The following ELMO3 variants were observed in gnomAD, a reference collection of about 807,000 sequenced individuals.
ELMO3 encodes the protein engulfment and cell motility 3.
Under a neutral mutation model 89.0 loss-of-function variants are expected in ELMO3, and 81 were observed. That is an observed-to-expected ratio of 0.91 (90% CI 0.76 to 1.09). ELMO3 has a LOEUF of 1.09. Ranked by LOEUF, ELMO3 falls within the 50% of genes least tolerant of loss-of-function variation. ELMO3 has a pLI of 0.00. For missense variants in ELMO3, 959 were observed against 972.8 expected, an observed-to-expected ratio of 0.99 and a Z score of 0.19; for synonymous variants, 406 against 400.6, an observed-to-expected ratio of 1.01 and a Z score of -0.16.
rs780572116 is a variant in ELMO3 at position 67,200,246 on chromosome 16, C to T, written c.298C>T (p.Arg100Cys). The T allele has an allele frequency of 1.2e-6, 2 of 1,613,726 alleles. No homozygotes were observed. Among genetic ancestry groups the T allele is most frequent in the East Asian group, 4.5e-5 (2 of 44,888 alleles). Residue 100 changes from arginine to cysteine, a missense_variant, in exon 5 of 20, where the codon CGC becomes TGC. Physicochemically the swap from Arg to Cys is radical, Grantham distance 180. Coordinates refer to ENST00000393997, the MANE Select transcript of ELMO3 (RefSeq NM_024712.5). ...GGLQSNSPEGRREALRRLVPL... is the reference protein window; with the variant it reads ...GGLQSNSPEGCREALRRLVPL... ...GCTGCAGAGTAACAGTCCTGAAGGG[C>T]GCCGGGAAGCCCTGAGGCGCCTTGT...
Position 67,203,141 on chromosome 16 carries a change from G to C in ELMO3, c.1698G>C (p.Leu566=). Residue 566 remains leucine, a synonymous_variant, in exon 17 of 20, where the codon CTG becomes CTC. Transcript: ENST00000393997. The surrounding 1 kb of genome is among the most constrained non-coding windows in gnomAD (Gnocchi z 4.6). ...CAGATAAGCTGTGGTTCTGCTGCCT[G>C]TCCCCCAACCACAAGCTGCTGCAGT... ...RRQDKLWFCC[L]SPNHKLLQYG... is the part of the protein sequence containing the mutation. 1 of 1,611,990 alleles carries C rather than the reference G, an allele frequency of 6.2e-7. No homozygotes were observed. The highest frequency in any genetic ancestry group is 1.1e-5 in the South Asian group (1 of 90,874).
intron 3 of ELMO3, 83 bp from the exon 4 acceptor site, chr16:67,199,868 C>T: frequency 6.2e-7 from 1 of 1,607,694 alleles, no homozygotes. Flanking sequence ...GTTATTCACC[C>T]CCAGCCGCCC....
Position 67,202,693 on chromosome 16 carries a change from T to C in ELMO3, c.1465T>C (p.Phe489Leu). The change falls in exon 15 of 20, where the codon TTC becomes CTC. Residue 489 changes from phenylalanine (F) to leucine (L), a missense_variant. Physicochemically the swap from Phe to Leu is conservative, Grantham distance 22. Transcript: ENST00000393997. ...CCTGAAGCCCACTTCCCTGGAGCTC[T>C]TCCGAACCAAGGTGAATGCGCTCAC... ...LALKPTSLEL[F>L]RTKVNALTYG... 6.2e-7 allele frequency: 1 copy of C among 1,613,542 alleles called. No homozygotes were observed. The highest frequency in any genetic ancestry group is 8.5e-7 in the Non-Finnish European group (1 of 1,179,944).
rs762794419 is a variant in ELMO3 at position 67,201,503 on chromosome 16, G to A, written c.796-17G>A. ...CCCGTGAGCCCTCGCTTACACCAGG[G>A]ACTGGCTGTCCTGCAGAACATCATC... On this transcript the variant is annotated splice_polypyrimidine_tract_variant and intron_variant, in intron 9 of 19. Transcript: ENST00000393997. The A allele has an allele frequency of 6.2e-7, 1 of 1,614,008 alleles. No homozygotes were observed. Among genetic ancestry groups the A allele is most frequent in the South Asian group, 1.1e-5 (1 of 91,086 alleles).
rs546262828 is a variant in ELMO3, at chr16:67,202,155, C to T, written c.1153-21C>T. On this transcript the variant is annotated intron_variant, in intron 12 of 19. Transcript: ENST00000393997. ...CCATGGGCTTAGCTGTGACTCCTTG[C>T]CCCATTCTCTGCGCCCCCAGTTTGT... is the stretch of plus-strand genomic sequence containing the variant. 33 of 1,599,844 alleles carry T rather than the reference C, an allele frequency of 2.1e-5. No homozygotes were observed. The Admixed American group carries it at 5.4e-4, about 26-fold the overall frequency.
intron 1 of ELMO3, 72 bp downstream of exon 1, chr16:67,199,476 G>GGGCCCCCCCCCCCCCCCCCCC: frequency 1.2e-5 from 18 of 1,503,510 alleles, no homozygotes; most frequent in Non-Finnish European, 1.5e-5. Context: ...CCTCGGGGCA[G>GGGCCCCCCCCCCCCCCCCCCC]CCCGCCCCAC....
intron 14 of ELMO3, 45 bp from the exon 15 acceptor site, chr16:67,202,582 C>T (rs751599412): frequency 4.3e-6 from 7 of 1,612,514 alleles, no homozygotes; most frequent in African/African-American, 1.3e-5. Context: ...GGGGGCTGAT[C>T]TGGGTACAGA....
rs768301083 is a variant in ELMO3 at position 67,201,964 on chromosome 16, C to T, written c.1051-13C>T. ...GTGGCCCTTCTTGAACTGCCTGTGC[C>T]CACTTCCCCCAGAACAGCAACCCAG... On this transcript the variant is annotated splice_polypyrimidine_tract_variant and intron_variant, in intron 11 of 19. Coordinates refer to ENST00000393997, the MANE Select transcript of ELMO3 (RefSeq NM_024712.5). The T allele has an allele frequency of 9.3e-6, 15 of 1,612,066 alleles. No individual in the cohort carries two copies. The South Asian group carries it at 1.5e-4, about 17-fold the overall frequency.
At position 67,199,405 on chromosome 16, in the gene ELMO3, G is replaced by T; in HGVS notation, c.78+1G>T. The T allele has an allele frequency of 6.2e-7, 1 of 1,605,598 alleles. No homozygotes were observed. The stretch of plus-strand genomic sequence containing the variant: ...CCCGCAGCTCATCCAGCTGGACCAG[G>T]TCACCCGGCTGGTCCCGCCTCCATC... On this transcript the variant is annotated splice_donor_variant, in intron 1 of 19. Transcript: ENST00000393997. LOFTEE classifies it high-confidence loss of function.
At chr16:67,200,087 G>T in intron 4 of ELMO3, 86 bp downstream of exon 4, 1 of 1,260,990 alleles carries the variant, frequency 7.9e-7, no homozygotes, top group Non-Finnish European at 1.1e-6. Flanking sequence ...CCCCGCCCCA[G>T]CCCTGCCTTG....
Position 67,202,224 on chromosome 16 carries a change from G to C in ELMO3, c.1201G>C (p.Ala401Pro), listed in dbSNP as rs762491613. The C allele has an allele frequency of 1.2e-6, 2 of 1,605,548 alleles. No individual in the cohort carries two copies. The highest frequency in any genetic ancestry group is 8.5e-7 in the Non-Finnish European group (1 of 1,174,368). ...CGAGGACAAGCACGAGTGCCCCTTTGCCCGGGGCAGCATCCAGCTGACGGT... is the reference window on the plus strand; with the variant it reads ...CGAGGACAAGCACGAGTGCCCCTTTCCCCGGGGCAGCATCCAGCTGACGGT... The part of the protein sequence containing the change: ...SREDKHECPF[A>P]RGSIQLTVLL... Residue 401 changes from alanine to proline, a missense_variant, in exon 13 of 20, where the codon GCC becomes CCC. By Grantham distance (27) the Ala-to-Pro change is conservative (BLOSUM62 -1). Transcript: ENST00000393997.
At position 67,201,440 on chromosome 16, in the gene ELMO3, GA is replaced by G; in HGVS notation, c.795+7del. On this transcript the variant is annotated splice_donor_region_variant and intron_variant, in intron 9 of 19. Coordinates refer to ENST00000393997, the MANE Select transcript of ELMO3 (RefSeq NM_024712.5). Reference sequence around the variant, plus strand: ...CTTCGCCAGTTCATCTATAAGGTAGGAAGTGGTGGGCCAGGGGGACCTCTCT... The same window carrying G: ...CTTCGCCAGTTCATCTATAAGGTAGGAGTGGTGGGCCAGGGGGACCTCTCT... The G allele has an allele frequency of 6.2e-7, 1 of 1,614,016 alleles. No homozygotes were observed. Among genetic ancestry groups the G allele is most frequent in the African/African-American group, 1.3e-5 (1 of 75,020 alleles).
At position 67,201,649 on chromosome 16, in the gene ELMO3, G is replaced by T. The variant is rs772588917; in HGVS notation, c.918+7G>T. On this transcript the variant is annotated splice_region_variant and intron_variant, in intron 10 of 19. Transcript: ENST00000393997. The stretch of plus-strand genomic sequence containing the variant: ...CCTGGACCCCTACAGCCAGGTGTGT[G>T]TCTTTGGTGAGGACAAGGCAGGGGG... The T allele has an allele frequency of 6.2e-7, 1 of 1,611,756 alleles. No homozygotes were observed. Among genetic ancestry groups the T allele is most frequent in the East Asian group, 2.2e-5 (1 of 44,876 alleles).
At chr16:67,201,900 C>T (rs748940699) in intron 11 of ELMO3, 27 bp downstream of exon 11, 1 of 1,602,494 alleles carries the variant, frequency 6.2e-7, no homozygotes, top group East Asian at 2.2e-5. Context: ...CCCAACTCCC[C>T]ACCCCTGCCT....
chr16:67,201,908 C>A, intron 11 of ELMO3, 35 bp downstream of exon 11: 1 of 1,603,176 alleles, frequency 6.2e-7, no homozygotes, highest in Non-Finnish European at 8.5e-7. Flanking sequence ...CCCACCCCTG[C>A]CTCAGCCCAG....
Position 67,199,160 on chromosome 16 carries a change from C to T in ELMO3, c.-167C>T, listed in dbSNP as rs775931538. The T allele has an allele frequency of 1.9e-6, 3 of 1,607,360 alleles. No individual in the cohort carries two copies. Among genetic ancestry groups the T allele is most frequent in the Non-Finnish European group, 8.5e-7 (1 of 1,179,174 alleles). On this transcript the variant is annotated 5_prime_UTR_variant, in exon 1 of 20. Transcript: ENST00000393997. ...CTAACCTCGGCTCCCTTGGGAAGGC[C>T]GCGTTGCATGGCCAGGAGCAGCAGT...
At position 67,200,319 on chromosome 16, in the gene ELMO3, A is replaced by T. The variant is rs774488380; in HGVS notation, c.371A>T (p.Asn124Ile). The part of the protein sequence containing the change: ...MIFAREVISR[N>I]GLQILGTIIE... ...TTTGCCAGGGAGGTCATCAGCCGTA[A>T]TGGGCTCCAGATACTAGGCACCATC... The change falls in exon 5 of 20, where the codon AAT (asparagine) becomes ATT (isoleucine). Residue 124 changes from asparagine (N) to isoleucine (I), a missense_variant. Asn to Ile is a moderately radical substitution (Grantham distance 149, BLOSUM62 -3). Coordinates refer to ENST00000393997, the MANE Select transcript of ELMO3 (RefSeq NM_024712.5). 3.1e-6 allele frequency: 5 copies of T among 1,613,762 alleles called. No individual in the cohort carries two copies. In the Admixed American group the frequency reaches 8.3e-5, roughly 27 times the overall value.
At chr16:67,199,514 T>A (rs1425737606) in intron 1 of ELMO3, 39 bp from the exon 2 acceptor site, 1 of 917,452 alleles carries the variant, frequency 1.1e-6, no homozygotes, top group Non-Finnish European at 1.4e-6. Flanking sequence ...TCCCCATCCC[T>A]CCCTGCCCAG....
chr16:67,202,523 A>T lies in ELMO3; in HGVS notation c.1388A>T (p.Asp463Val), dbSNP rs1309541418. 2.5e-6 allele frequency: 4 copies of T among 1,612,426 alleles called. No individual in the cohort carries two copies. Among genetic ancestry groups the T allele is most frequent in the Non-Finnish European group, 2.5e-6 (3 of 1,179,930 alleles). The change falls in exon 14 of 20, where the codon GAC becomes GTC. Residue 463 changes from aspartate to valine, a missense_variant. Coordinates refer to ENST00000393997, the MANE Select transcript of ELMO3 (RefSeq NM_024712.5). ...AAGGAGATGCGGGCTACACAGGAGG[A>T]CTTCGACAAGGTGGGTGGGGTGGGA... ...TWKEMRATQEDFDKVMQVVRE... is the reference protein window; with the variant it reads ...TWKEMRATQEVFDKVMQVVRE...
Sources: gnomAD v4.1 joint callset for allele counts on GRCh38, gnomAD v4.1.1 for gene constraint, Gnocchi (gnomAD v3.1) non-coding constraint, MANE v1.5 for transcripts, NCBI Gene and HGNC (gene_info 2026-07-23, HGNC 2026-07-21) for gene names.